The following SYCP2 variants were observed in gnomAD, a reference collection of about 807,000 sequenced individuals.
SYCP2 encodes the protein synaptonemal complex lateral element protein.
A neutral mutation model predicts 211.3 loss-of-function variants in SYCP2; 55 were observed. That is an observed-to-expected ratio of 0.26 (90% CI 0.21 to 0.33). SYCP2 has a LOEUF of 0.33. SYCP2 is among the 10% of genes least tolerant of loss of function. The pLI is 1.00. For synonymous variants in SYCP2, 570 were observed against 555.2 expected (o/e 1.03, Z -0.37); for missense variants, 1,731 against 1,752.0 (o/e 0.99, Z 0.21).
At position 59,881,500 on chromosome 20, in the gene SYCP2, G is replaced by T; in HGVS notation, c.2659-8C>A. 6 of 1,419,838 alleles carry T rather than the reference G, an allele frequency of 4.2e-6. No individual in the cohort carries two copies. The highest frequency in any genetic ancestry group is 5.7e-6 in the Non-Finnish European group (6 of 1,058,522). The allele number at this position is 1,419,838 out of a possible 1,614,324, so 88.0% of individuals were successfully genotyped here. Reference sequence around the variant, plus strand: ...AGCTTGAAACTCTTGGATCTATATTGTAAATAAACAAAAAAAAAGAGGTGT... The same window carrying T: ...AGCTTGAAACTCTTGGATCTATATTTTAAATAAACAAAAAAAAAGAGGTGT... On this transcript the variant is annotated splice_polypyrimidine_tract_variant and splice_region_variant and intron_variant, in intron 28 of 44. Coordinates refer to ENST00000357552, the MANE Select transcript of SYCP2 (RefSeq NM_014258.4).
In SYCP2 at chr20:59,915,553, A is replaced by C; in HGVS notation, c.514-3T>G. On this transcript the variant is annotated splice_region_variant and splice_polypyrimidine_tract_variant and intron_variant, in intron 8 of 44. Coordinates refer to ENST00000357552, the MANE Select transcript of SYCP2 (RefSeq NM_014258.4). ...ATAGCATTCATTTTTTTTATAATCT[A>C]GAAAAGAAAAAAAGATAATGCATTA... The C allele has an allele frequency of 6.4e-7, 1 of 1,572,302 alleles. No individual in the cohort carries two copies.
chr20:59,869,029 A>G (rs1255067536), intron 36 of SYCP2, 104 bp from the exon 37 acceptor site: 2 of 727,228 alleles, frequency 2.8e-6, no homozygotes, highest in South Asian at 1.9e-5. Context: ...AAATGCTGTC[A>G]ATTCTTTCTC....
chr20:59,879,672 A>G (rs2059628496), intron 31 of SYCP2, among the ~76,000 whole-genome samples: 1 of 151,274 alleles, frequency 6.6e-6, no homozygotes, highest in Admixed American at 6.6e-5. Flanking sequence ...ACTTTCTAGG[A>G]AAATACTTTG....
chr20:59,891,845 G>T, intron 24 of SYCP2, 145 bp downstream of exon 24: 1 of 665,544 alleles, frequency 1.5e-6, no homozygotes, highest in Non-Finnish European at 2.5e-6. Flanking sequence ...AGAGGTGAGT[G>T]AGGAATTCTG....
Position 59,896,445 on chromosome 20 carries a change from C to A in SYCP2, c.1488G>T (p.Val496=), listed in dbSNP as rs776272386. The change falls in exon 19 of 45, where the codon GTG becomes GTT. Residue 496 remains valine (V), a synonymous_variant. Transcript: ENST00000357552. ...AAAACTTACATGTGTTGCTGAAAAG[C>A]ACTGGACTTCTCATAGTGTATCTAT... is the stretch of plus-strand genomic sequence containing the variant. ...GADRYTMRSP[V]LFSNTSIPPR... The A allele has an allele frequency of 4.4e-6, 7 of 1,584,548 alleles. No homozygotes were observed. The South Asian group carries it at 7.9e-5, about 18-fold the overall frequency.
intron 24 of SYCP2, 132 bp from the exon 25 acceptor site, chr20:59,886,966 T>G: frequency 1.5e-6 from 1 of 654,540 alleles, no homozygotes; most frequent in Non-Finnish European, 2.4e-6. Context: ...GAGTCAACTG[T>G]TTAGTAAGTT....
rs538929985 is a variant in SYCP2 at position 59,892,717 on chromosome 20, A to T, written c.1794-16T>A. 2 of 1,596,954 alleles carry T rather than the reference A, an allele frequency of 1.3e-6. No homozygotes were observed. The highest frequency in any genetic ancestry group is 2.3e-5 in the South Asian group (2 of 87,830). On this transcript the variant is annotated splice_polypyrimidine_tract_variant and intron_variant, in intron 22 of 44. Coordinates refer to ENST00000357552, the MANE Select transcript of SYCP2 (RefSeq NM_014258.4). ...ACCAGGTAATCTAGAAAATAAATTA[A>T]TTTGCTTAATGTTACAAAACATTAG...
chr20:59,867,294 C>T (rs577832913), intron 39 of SYCP2, among the ~76,000 whole-genome samples: 1 of 151,574 alleles, frequency 6.6e-6, no homozygotes, highest in South Asian at 2.1e-4. Flanking sequence ...ACCTCAAAAA[C>T]TAAGACTACA....
intron 15 of SYCP2, among the ~76,000 whole-genome samples, chr20:59,903,097 T>C (rs1397679708): frequency 6.6e-6 from 1 of 152,122 alleles, no homozygotes; most frequent in Non-Finnish European, 1.5e-5. Context: ...TTGTGCCTAT[T>C]TGTACAAAAA....
chr20:59,892,787 T>C (rs1451705555), intron 22 of SYCP2, 86 bp from the exon 23 acceptor site: 3 of 1,235,062 alleles, frequency 2.4e-6, no homozygotes, highest in African/African-American at 1.5e-5. Flanking sequence ...CAACGTTTAC[T>C]GAAAGCGATT....
At chr20:59,930,161 T>C (rs144983407) in intron 2 of SYCP2, among the ~76,000 whole-genome samples, 106 of 152,290 alleles carry the variant, frequency 7.0e-4, no homozygotes, top group African/African-American at 2.5e-3. Context: ...TAACTCTATC[T>C]TTCAGGCCCC....
intron 26 of SYCP2, among the ~76,000 whole-genome samples, chr20:59,883,399 T>C (rs1219379389): frequency 1.3e-5 from 2 of 152,052 alleles, no homozygotes; most frequent in African/African-American, 2.4e-5. Flanking sequence ...CCTATGTTCA[T>C]TGCAGTAGTA....
chr20:59,907,997 G>A (rs377176009), intron 14 of SYCP2, among the ~76,000 whole-genome samples: 35 of 152,196 alleles, frequency 2.3e-4, no homozygotes, highest in East Asian at 7.8e-4. Context: ...CTGTAATCCC[G>A]GGACTTTGGG....
chr20:59,896,371 T>G (rs2060007293), intron 19 of SYCP2, 58 bp downstream of exon 19: 6 of 991,460 alleles, frequency 6.1e-6, no homozygotes, highest in Admixed American at 4.4e-5. Flanking sequence ...TTGCCTTAAA[T>G]TAAAAAATGC....
At chr20:59,865,107 G>A (rs545380167) in intron 44 of SYCP2, among the ~76,000 whole-genome samples, 2 of 152,102 alleles carry the variant, frequency 1.3e-5, no homozygotes, top group Non-Finnish European at 2.9e-5. Context: ...GCCTGCTGCA[G>A]TACCCAGTGT....
chr20:59,894,371 C>G (rs910384110), intron 20 of SYCP2, among the ~76,000 whole-genome samples: 23 of 151,916 alleles, frequency 1.5e-4, no homozygotes, highest in African/African-American at 5.6e-4. Flanking sequence ...AGGACCATGT[C>G]GCACAACTGA....
Position 59,868,905 on chromosome 20 carries a change from T to C in SYCP2, c.3762A>G (p.Ser1254=). ...CTCTTCCTTCACTAGACTTGGATAATGAAGATGCTAAATGACTTTCCTAAA... is the reference window on the plus strand; with the variant it reads ...CTCTTCCTTCACTAGACTTGGATAACGAAGATGCTAAATGACTTTCCTAAA... ...SKREESHLAS[S]LSKSSEGREK... The change falls in exon 37 of 45, where the codon TCA becomes TCG. Residue 1254 remains serine (S), a synonymous_variant. Transcript: ENST00000357552. 6.2e-7 allele frequency: 1 copy of C among 1,608,174 alleles called. No homozygotes were observed. The highest frequency in any genetic ancestry group is 8.5e-7 in the Non-Finnish European group (1 of 1,176,976).
chr20:59,886,602 A>G (rs1390134222), intron 25 of SYCP2, 105 bp downstream of exon 25: 11 of 804,782 alleles, frequency 1.4e-5, no homozygotes, highest in Non-Finnish European at 2.0e-5. Context: ...TTTCTACTGA[A>G]AAGTTACATT....
chr20:59,867,294 CTA>C (rs571450248), intron 39 of SYCP2, among the ~76,000 whole-genome samples: 2 of 151,458 alleles, frequency 1.3e-5, no homozygotes, highest in Non-Finnish European at 2.9e-5. Context: ...ACCTCAAAAA[CTA>C]AGACTACATA....
Sources: gnomAD v4.1 joint callset for allele counts (sites outside exome capture counted in the v4.1 genomes callset) on GRCh38, gnomAD v4.1.1 for gene constraint, MANE v1.5 for transcripts, NCBI Gene and HGNC (gene_info 2026-07-23, HGNC 2026-07-21) for gene names.